Variants in GRID1 observed in about 807,000 individuals in gnomAD.
GRID1 encodes the protein glutamate receptor ionotropic, delta-1.
Under a neutral mutation model 98.0 loss-of-function variants are expected in GRID1, and 28 were observed. The observed-to-expected ratio is 0.29, with a 90% CI of 0.21 to 0.39. GRID1 has a LOEUF of 0.39. Among genes scored for constraint, GRID1 ranks in the 10% least tolerant of loss-of-function variants. The pLI is 1.00. For synonymous variants in GRID1, 553 were observed against 538.5 expected (o/e 1.03, Z -0.37); for missense variants, 1,111 against 1,340.5 (o/e 0.83, Z 2.67).
intron 4 of GRID1, among the ~76,000 whole-genome samples, chr10:86,034,993 G>C (rs1843239891): frequency 1.3e-5 from 2 of 151,796 alleles, no homozygotes; most frequent in South Asian, 4.2e-4. Context: ...GGATGGATAA[G>C]TATACAGGTA....
intron 5 of GRID1, among the ~76,000 whole-genome samples, chr10:85,901,152 C>A (rs963832459): frequency 6.6e-6 from 1 of 152,126 alleles, no homozygotes; most frequent in African/African-American, 2.4e-5. Context: ...CAAAGGCAAA[C>A]TTTCCCACAG....
chr10:85,608,116 C>A lies in GRID1; in HGVS notation c.2601+5291G>T, dbSNP rs1842693720. Among the ~76,000 whole-genome samples the A allele has an allele frequency of 2.0e-5, 3 of 152,204 alleles. No homozygotes were observed. In the South Asian group the frequency reaches 6.2e-4, roughly 31 times the overall value. The stretch of plus-strand genomic sequence containing the variant: ...TAGGCATGCGCCACTACACCCAGCC[C>A]AAAACCTGGGCTCTTTTCCATGACA... On this transcript the variant is annotated intron_variant, in intron 15 of 15. Transcript: ENST00000327946.
intron 4 of GRID1, among the ~76,000 whole-genome samples, chr10:86,044,839 A>C (rs187024846): frequency 6.6e-6 from 1 of 152,340 alleles, no homozygotes; most frequent in East Asian, 1.9e-4. Flanking sequence ...ACAGGCCAAA[A>C]GTACATTCTG....
intron 5 of GRID1, among the ~76,000 whole-genome samples, chr10:85,895,989 C>T (rs1841287910): frequency 6.7e-6 from 1 of 150,010 alleles, no homozygotes; most frequent in Non-Finnish European, 1.5e-5. Context: ...GAGTGCCTGC[C>T]CCTCACTGCA....
At chr10:86,235,545 A>G (rs549191133) in intron 2 of GRID1, among the ~76,000 whole-genome samples, 1 of 152,164 alleles carries the variant, frequency 6.6e-6, no homozygotes, top group Non-Finnish European at 1.5e-5. Flanking sequence ...TTTACAGTCA[A>G]TCTCTGCTTC....
chr10:85,976,379 G>A (rs1402769487), intron 4 of GRID1, among the ~76,000 whole-genome samples: 2 of 152,176 alleles, frequency 1.3e-5, no homozygotes, highest in Non-Finnish European at 2.9e-5. Flanking sequence ...TTAAGGCACT[G>A]CCCCCAGGGA....
chr10:86,087,089 T>C (rs1844070659), intron 4 of GRID1, among the ~76,000 whole-genome samples: 1 of 152,194 alleles, frequency 6.6e-6, no homozygotes, highest in Non-Finnish European at 1.5e-5. Flanking sequence ...TGTATTTACA[T>C]GGAAGGCATG....
intron 4 of GRID1, among the ~76,000 whole-genome samples, chr10:86,064,347 G>GA (rs1338852432): frequency 6.6e-6 from 1 of 152,202 alleles, no homozygotes; most frequent in East Asian, 1.9e-4. Flanking sequence ...CGTCTGTGAT[G>GA]AAAAAAGGCC....
intron 5 of GRID1, 75 bp from the exon 6 acceptor site, chr10:85,869,255 T>A: frequency 7.5e-7 from 1 of 1,332,238 alleles, no homozygotes; most frequent in Non-Finnish European, 1.1e-6. Flanking sequence ...AGGAGGCATC[T>A]AGGCCAGCAG....
chr10:85,632,674 G>C (rs937186833), intron 13 of GRID1, among the ~76,000 whole-genome samples: 3 of 152,294 alleles, frequency 2.0e-5, no homozygotes, highest in Admixed American at 1.3e-4. Context: ...CTCCCGAGTA[G>C]CTGGGACTAC....
chr10:86,070,473 TG>T (rs1408082035), intron 4 of GRID1, among the ~76,000 whole-genome samples: 1 of 152,180 alleles, frequency 6.6e-6, no homozygotes, highest in Non-Finnish European at 1.5e-5. Context: ...CAGGCTGGGA[TG>T]GGCACAGGCA....
chr10:85,869,855 G>T (rs529893707), intron 5 of GRID1, among the ~76,000 whole-genome samples: 2 of 152,250 alleles, frequency 1.3e-5, no homozygotes, highest in South Asian at 4.1e-4. Context: ...ACTACAAAAA[G>T]CCCTTTGCTC....
At chr10:86,077,114 G>A (rs1293786028) in intron 4 of GRID1, among the ~76,000 whole-genome samples, 6 of 136,664 alleles carry the variant, frequency 4.4e-5, no homozygotes, top group Admixed American at 2.2e-4. Flanking sequence ...AGTGACAAAC[G>A]AGGAGCCTTC....
chr10:85,663,699 C>T (rs908671740), intron 12 of GRID1, among the ~76,000 whole-genome samples: 2 of 152,210 alleles, frequency 1.3e-5, no homozygotes, highest in African/African-American at 4.8e-5. Flanking sequence ...TTCTCACCCA[C>T]TTTTTATCTC....
chr10:85,772,765 T>C (rs1210146220), intron 8 of GRID1, among the ~76,000 whole-genome samples: 1 of 152,154 alleles, frequency 6.6e-6, no homozygotes, highest in East Asian at 1.9e-4. Flanking sequence ...CTCCCAAGAC[T>C]AAACTAGGAA....
chr10:86,150,821 G>A (rs568533526), intron 3 of GRID1, among the ~76,000 whole-genome samples: 7 of 152,242 alleles, frequency 4.6e-5, no homozygotes, highest in South Asian at 2.1e-4. Flanking sequence ...CACCAGGTGC[G>A]CACACTGAGA....
At chr10:86,324,297 A>G (rs951687594) in intron 2 of GRID1, among the ~76,000 whole-genome samples, 1 of 152,246 alleles carries the variant, frequency 6.6e-6, no homozygotes, top group Non-Finnish European at 1.5e-5. Flanking sequence ...AAAGGTCTCA[A>G]TTTGTTCCAG....
In GRID1 at chr10:85,847,887, A is replaced by G. The variant is rs567170470; in HGVS notation, c.1233+6609T>C. Among the ~76,000 whole-genome samples, 11 of 152,350 alleles carry G rather than the reference A, an allele frequency of 7.2e-5. No individual in the cohort carries two copies. The East Asian group carries it at 2.1e-3, about 29-fold the overall frequency. ...AATGTCTGTATGTGAAAATATTTTT[A>G]AATTCAAAGGCAAACTATTTATTGG... is the stretch of plus-strand genomic sequence containing the variant. On this transcript the variant is annotated intron_variant, in intron 8 of 15. Coordinates refer to ENST00000327946, the MANE Select transcript of GRID1 (RefSeq NM_017551.3).
chr10:86,217,811 G>A (rs1216097440), intron 2 of GRID1, among the ~76,000 whole-genome samples: 1 of 152,100 alleles, frequency 6.6e-6, no homozygotes, highest in Non-Finnish European at 1.5e-5. Flanking sequence ...CCTGGTAACA[G>A]ACCACTGAGA....
Sources: gnomAD v4.1 joint callset for allele counts (sites outside exome capture counted in the v4.1 genomes callset) on GRCh38, gnomAD v4.1.1 for gene constraint, MANE v1.5 for transcripts, NCBI Gene and HGNC (gene_info 2026-07-23, HGNC 2026-07-21) for gene names.